Variants in DCUN1D3 observed in about 807,000 individuals in gnomAD.
DCUN1D3 encodes the protein DCN1-like protein 3.
DCUN1D3 carries 6 observed loss-of-function variants against 24.8 expected under a neutral mutation model. That is an observed-to-expected ratio of 0.24 (90% CI 0.13 to 0.48). The LOEUF (loss-of-function observed/expected upper bound fraction) is 0.48, where lower values mean the gene tolerates loss of function less well. Ranked by LOEUF, DCUN1D3 falls within the 20% of genes least tolerant of loss-of-function variation. The pLI, the probability that DCUN1D3 is intolerant of heterozygous loss-of-function variation, is 0.99. For synonymous variants in DCUN1D3, 120 were observed against 144.9 expected (o/e 0.83, Z 1.24); for missense variants, 258 against 379.4 (o/e 0.68, Z 2.66).
chr16:20,889,017 C>G (rs1358532736), intron 1 of DCUN1D3, among the ~76,000 whole-genome samples: 1 of 152,112 alleles, frequency 6.6e-6, no homozygotes, highest in African/African-American at 2.4e-5. Flanking sequence ...CACTTGAGGT[C>G]AGGAATTCGA....
chr16:20,883,584 A>G (rs2081855227), intron 1 of DCUN1D3, among the ~76,000 whole-genome samples: 1 of 152,236 alleles, frequency 6.6e-6, no homozygotes, highest in African/African-American at 2.4e-5. Context: ...TGGTTGTATC[A>G]GAAGTATTAA....
intron 1 of DCUN1D3, among the ~76,000 whole-genome samples, chr16:20,868,163 C>T (rs2081771469): frequency 6.6e-6 from 1 of 152,244 alleles, no homozygotes; most frequent in African/African-American, 2.4e-5. Context: ...TCCTCCTCCC[C>T]ATCACTGCCA....
chr16:20,896,938 T>C (rs548209848), intron 1 of DCUN1D3, among the ~76,000 whole-genome samples: 2 of 152,338 alleles, frequency 1.3e-5, no homozygotes, highest in South Asian at 2.1e-4. Context: ...GTCCCCTTCA[T>C]TGCCCCCAGA....
rs532931106 is a variant in DCUN1D3 at position 20,874,821 on chromosome 16, AT to A, written c.-105-12179del. On this transcript the variant is annotated intron_variant, in intron 1 of 2. Coordinates refer to ENST00000324344, the MANE Select transcript of DCUN1D3 (RefSeq NM_173475.4). Reference sequence around the variant, plus strand: ...TTGAGGCCCCAAGGTTTAGGCTTTGATTTTTTTTTTTAAGTTACTTATTTTC... The same window carrying A: ...TTGAGGCCCCAAGGTTTAGGCTTTGATTTTTTTTTTAAGTTACTTATTTTC... Among the ~76,000 whole-genome samples the A allele has an allele frequency of 7.2e-4, 108 of 149,062 alleles. 1 individual carries two copies. Among genetic ancestry groups the A allele is most frequent in the African/African-American group, 1.6e-3 (66 of 40,788 alleles).
chr16:20,863,579 A>G (rs1242204779), intron 1 of DCUN1D3, among the ~76,000 whole-genome samples: 2 of 152,126 alleles, frequency 1.3e-5, no homozygotes, highest in Non-Finnish European at 2.9e-5. Flanking sequence ...CCCTGTCTCT[A>G]CGAAAAATAG....
Position 20,862,601 on chromosome 16 carries a change from C to T in DCUN1D3, c.-63G>A, listed in dbSNP as rs892553853. On this transcript the variant is annotated 5_prime_UTR_variant, in exon 2 of 3. Transcript: ENST00000324344. ...GATTGGATGCCCTCGCTGCCGCTGG[C>T]CCATGTACCTCAACATGCCATCAGC... The T allele has an allele frequency of 1.7e-5, 26 of 1,534,136 alleles. No individual in the cohort carries two copies. The highest frequency in any genetic ancestry group is 2.2e-5 in the Non-Finnish European group (25 of 1,150,674).
chr16:20,882,615 T>C (rs1257871832), intron 1 of DCUN1D3, among the ~76,000 whole-genome samples: 1 of 152,188 alleles, frequency 6.6e-6, no homozygotes, highest in African/African-American at 2.4e-5. Context: ...TAATTGTCAC[T>C]ATCTTATGTT....
At chr16:20,881,398 T>G (rs2081842853) in intron 1 of DCUN1D3, among the ~76,000 whole-genome samples, 1 of 152,132 alleles carries the variant, frequency 6.6e-6, no homozygotes, top group Non-Finnish European at 1.5e-5. Context: ...CAGAGCAAGA[T>G]CCTGTCTCAA....
At chr16:20,865,654 G>A (rs1380622706) in intron 1 of DCUN1D3, among the ~76,000 whole-genome samples, 1 of 152,144 alleles carries the variant, frequency 6.6e-6, no homozygotes, top group African/African-American at 2.4e-5. Context: ...CCAGGTCTAG[G>A]GAGCTTTCAT....
In DCUN1D3 at chr16:20,859,778, G is replaced by A; in HGVS notation, c.*108C>T. The A allele has an allele frequency of 7.1e-7, 1 of 1,408,210 alleles. No homozygotes were observed. Among genetic ancestry groups the A allele is most frequent in the Admixed American group, 2.6e-5 (1 of 39,138 alleles). 87.2% of individuals were successfully genotyped at this position (1,408,210 alleles called of 1,614,324 possible). ...TTTCAGATACAAGGCAGAGAAAGGT[G>A]TAAAGTAGAAAATATCCGGATCTTC... On this transcript the variant is annotated 3_prime_UTR_variant, in exon 3 of 3. Transcript: ENST00000324344.
At chr16:20,874,335 T>C (rs1407327833) in intron 1 of DCUN1D3, among the ~76,000 whole-genome samples, 1 of 152,224 alleles carries the variant, frequency 6.6e-6, no homozygotes, top group Admixed American at 6.5e-5. Flanking sequence ...ATTTAAAAGA[T>C]GGTATGACTA....
intron 1 of DCUN1D3, among the ~76,000 whole-genome samples, chr16:20,865,556 A>C (rs1203960782): frequency 6.6e-6 from 1 of 152,206 alleles, no homozygotes; most frequent in Non-Finnish European, 1.5e-5. Context: ...CACTGAAATT[A>C]CGTTGTTAAT....
chr16:20,874,821 ATT>A lies in DCUN1D3; in HGVS notation c.-105-12180_-105-12179del, dbSNP rs532931106. On this transcript the variant is annotated intron_variant, in intron 1 of 2. Coordinates refer to ENST00000324344, the MANE Select transcript of DCUN1D3 (RefSeq NM_173475.4). ...TTGAGGCCCCAAGGTTTAGGCTTTG[ATT>A]TTTTTTTTTAAGTTACTTATTTTCA... Among the ~76,000 whole-genome samples, 230 of 149,120 alleles carry A rather than the reference ATT, an allele frequency of 1.5e-3. 1 individual carries two copies. The highest frequency in any genetic ancestry group is 5.4e-3 in the African/African-American group (222 of 40,798).
chr16:20,879,462 C>A (rs892364028), intron 1 of DCUN1D3, among the ~76,000 whole-genome samples: 13 of 151,934 alleles, frequency 8.6e-5, no homozygotes, highest in African/African-American at 3.1e-4. Flanking sequence ...ATGTTTGAAA[C>A]CCTGAATATG....
At position 20,859,889 on chromosome 16, in the gene DCUN1D3, A is replaced by G. The variant is rs1416216630; in HGVS notation, c.912T>C (p.Thr304=). 6.2e-7 allele frequency: 1 copy of G among 1,604,888 alleles called. No individual in the cohort carries two copies. Among genetic ancestry groups the G allele is most frequent in the Non-Finnish European group, 8.5e-7 (1 of 1,173,906 alleles). Residue 304 remains threonine, a synonymous_variant, in exon 3 of 3, where the codon ACT becomes ACC. Coordinates refer to ENST00000324344, the MANE Select transcript of DCUN1D3 (RefSeq NM_173475.4). ...TGCTGCTCCTGGGACAGAGCCACTA[A>G]GTCTGCTCCTCGGGACACAAGCCCT... ...GPEGLCPEEQ[T]
intron 1 of DCUN1D3, among the ~76,000 whole-genome samples, chr16:20,862,973 C>T (rs1210570865): frequency 1.3e-5 from 2 of 152,214 alleles, no homozygotes; most frequent in African/African-American, 4.8e-5. Context: ...CTTGCCATCA[C>T]ATAAGAAAAG....
At chr16:20,861,026 G>A (rs1452433368) in intron 2 of DCUN1D3, among the ~76,000 whole-genome samples, 1 of 152,150 alleles carries the variant, frequency 6.6e-6, no homozygotes, top group Admixed American at 6.5e-5. Context: ...TTCCTGGGGT[G>A]GGGGGCATGC....
intron 1 of DCUN1D3, among the ~76,000 whole-genome samples, chr16:20,897,510 A>G (rs2081921223): frequency 6.6e-6 from 1 of 152,194 alleles, no homozygotes; most frequent in South Asian, 2.1e-4. Context: ...GAAGGATCAG[A>G]CAAGAGTGGA....
intron 1 of DCUN1D3, among the ~76,000 whole-genome samples, chr16:20,863,521 A>G (rs1015626937): frequency 6.6e-6 from 1 of 152,174 alleles, no homozygotes; most frequent in African/African-American, 2.4e-5. Flanking sequence ...GGGTGGGCAG[A>G]TAGCTTGAGT....
Sources: allele counts gnomAD v4.1 joint callset (sites outside exome capture counted in the v4.1 genomes callset), GRCh38; gene constraint gnomAD v4.1.1; transcripts MANE v1.5; gene names NCBI Gene and HGNC (gene_info 2026-07-23, HGNC 2026-07-21).